Variants in ATXN7 observed in about 807,000 individuals in gnomAD.
ATXN7 encodes ataxin-7.
In ATXN7, 12 loss-of-function variants were observed where a neutral mutation model predicts 70.5. That is an observed-to-expected ratio of 0.17 (90% CI 0.11 to 0.28). The LOEUF (loss-of-function observed/expected upper bound fraction) is 0.28. ATXN7 is among the 10% of genes least tolerant of loss of function. The probability of loss-of-function intolerance (pLI) is 1.00; values close to 1 mark genes in which losing one functional copy is unlikely to be tolerated. For missense variants in ATXN7, 1,256 were observed against 1,131.7 expected, an observed-to-expected ratio of 1.11 and a Z score of -1.58; for synonymous variants, 498 against 448.7, an observed-to-expected ratio of 1.11 and a Z score of -1.39.
In ATXN7 at chr3:63,967,792, G is replaced by C. The variant is rs182649724; in HGVS notation, c.500-12123G>C. The C allele has an allele frequency of 9.4e-6, 14 of 1,491,820 alleles. No individual in the cohort carries two copies. The East Asian group carries it at 3.2e-4, about 35-fold the overall frequency. The allele number at this position is 1,491,820 out of a possible 1,614,324, so 92.4% of individuals were successfully genotyped here. Reference sequence around the variant, plus strand: ...CTTTGTAATTCAAGTGCTTTTTACAGTAGTAGCAAATGTTACATAAGCCCA... The same window carrying C: ...CTTTGTAATTCAAGTGCTTTTTACACTAGTAGCAAATGTTACATAAGCCCA... On this transcript the variant is annotated intron_variant, in intron 5 of 12. Transcript: ENST00000674280.
chr3:63,915,678 C>CTTTA (rs1040414996), intron 4 of ATXN7, among the ~76,000 whole-genome samples: 1 of 148,568 alleles, frequency 6.7e-6, no homozygotes, highest in Non-Finnish European at 1.5e-5. Context: ...AGAAATGACC[C>CTTTA]TTTATTTATT....
intron 1 of ATXN7, among the ~76,000 whole-genome samples, chr3:63,877,364 T>G (rs1259315378): frequency 6.6e-6 from 1 of 152,220 alleles, no homozygotes. Context: ...CCCCAGCTGC[T>G]TATAGAGTTC....
intron 4 of ATXN7, among the ~76,000 whole-genome samples, chr3:63,951,078 A>G (rs1056166950): frequency 2.6e-5 from 4 of 152,128 alleles, no homozygotes; most frequent in Non-Finnish European, 5.9e-5. Context: ...ATGTCTACCT[A>G]GGTAGTTGTG....
intron 1 of ATXN7, among the ~76,000 whole-genome samples, chr3:63,871,199 T>C (rs1042637928): frequency 2.0e-5 from 3 of 152,196 alleles, no homozygotes; most frequent in African/African-American, 7.2e-5. Flanking sequence ...CTAGAGATTA[T>C]TTGGGTATTG....
At chr3:63,956,152 G>A (rs543703035) in intron 5 of ATXN7, among the ~76,000 whole-genome samples, 2 of 152,134 alleles carry the variant, frequency 1.3e-5, no homozygotes, top group Non-Finnish European at 2.9e-5. Flanking sequence ...AAACTACATA[G>A]TAATACCATG....
At chr3:63,975,185 T>G (rs2075372320) in intron 5 of ATXN7, among the ~76,000 whole-genome samples, 1 of 152,228 alleles carries the variant, frequency 6.6e-6, no homozygotes. Flanking sequence ...CTGAAGATAT[T>G]TAATTCAGGT....
intron 2 of ATXN7, chr3:63,912,002 G>A (rs1401149520): frequency 6.6e-6 from 1 of 152,332 alleles, no homozygotes; most frequent in African/African-American, 2.4e-5. Context: ...CCAGTCCGGG[G>A]GCTTGACGTG....
At chr3:63,868,502 C>T (rs1702501067) in intron 1 of ATXN7, among the ~76,000 whole-genome samples, 1 of 152,156 alleles carries the variant, frequency 6.6e-6, no homozygotes, top group Non-Finnish European at 1.5e-5. Flanking sequence ...ATAATAAGTA[C>T]ATTATTTCCA....
chr3:63,875,034 G>C (rs72878736), intron 1 of ATXN7, among the ~76,000 whole-genome samples: 144 of 152,220 alleles, frequency 9.5e-4, no homozygotes, highest in African/African-American at 3.3e-3. Context: ...ATTCATGAAG[G>C]TTCTGCCCTC....
intron 1 of ATXN7, among the ~76,000 whole-genome samples, chr3:63,881,964 A>C (rs1200688667): frequency 6.6e-6 from 1 of 152,214 alleles, no homozygotes; most frequent in Non-Finnish European, 1.5e-5. Flanking sequence ...GGAAGTCCCA[A>C]TTTGGAGTCC....
intron 1 of ATXN7, among the ~76,000 whole-genome samples, chr3:63,871,052 C>G (rs1440944044): frequency 6.6e-6 from 1 of 152,200 alleles, no homozygotes; most frequent in Non-Finnish European, 1.5e-5. Flanking sequence ...GACCTGATAA[C>G]TGCTCTAACT....
chr3:63,921,519 A>G (rs757048896), intron 4 of ATXN7, among the ~76,000 whole-genome samples: 1 of 152,216 alleles, frequency 6.6e-6, no homozygotes, highest in Non-Finnish European at 1.5e-5. Flanking sequence ...CTTCGCAGAG[A>G]AGAGTATCTA....
intron 4 of ATXN7, among the ~76,000 whole-genome samples, chr3:63,942,123 A>G (rs772482770): frequency 6.6e-6 from 1 of 152,164 alleles, no homozygotes; most frequent in Non-Finnish European, 1.5e-5. Flanking sequence ...GGCAGATAGG[A>G]ACAGCTTGAT....
At chr3:63,955,629 C>G (rs1421297961) in intron 5 of ATXN7, among the ~76,000 whole-genome samples, 1 of 152,126 alleles carries the variant, frequency 6.6e-6, no homozygotes, top group African/African-American at 2.4e-5. Context: ...TTTAGAAAGC[C>G]AGTTGTTGCA....
intron 4 of ATXN7, among the ~76,000 whole-genome samples, chr3:63,951,526 C>T (rs1437801927): frequency 1.3e-5 from 2 of 152,188 alleles, no homozygotes; most frequent in East Asian, 1.9e-4. Context: ...GTGTAAAATG[C>T]TGTTTAAAAT....
intron 2 of ATXN7, chr3:63,900,447 C>T (rs1232071972): frequency 6.6e-6 from 1 of 152,232 alleles, no homozygotes; most frequent in Non-Finnish European, 1.5e-5. Context: ...ACCTTAAAAA[C>T]AGCCTCTTAA....
At chr3:63,955,270 G>A (rs753158737) in intron 5 of ATXN7, among the ~76,000 whole-genome samples, 4 of 152,218 alleles carry the variant, frequency 2.6e-5, no homozygotes, top group Admixed American at 6.5e-5. Flanking sequence ...ATATGAGAGA[G>A]GAGAGTTCCT....
chr3:63,978,769 T>C (rs2075434195), intron 5 of ATXN7, among the ~76,000 whole-genome samples: 1 of 152,212 alleles, frequency 6.6e-6, no homozygotes, highest in Non-Finnish European at 1.5e-5. Flanking sequence ...AGTTAAGTAC[T>C]TTATAAGCCA....
chr3:63,913,838 A>G (rs955683410), intron 4 of ATXN7, among the ~76,000 whole-genome samples: 1 of 152,154 alleles, frequency 6.6e-6, no homozygotes, highest in African/African-American at 2.4e-5. Flanking sequence ...TGTTAGTTTT[A>G]AACTGTTTGG....
Sources: allele counts gnomAD v4.1 joint callset (sites outside exome capture counted in the v4.1 genomes callset), GRCh38; gene constraint gnomAD v4.1.1; transcripts MANE v1.5; gene names NCBI Gene and HGNC (gene_info 2026-07-23, HGNC 2026-07-21).